The following MAP7 variants were observed in gnomAD, a reference collection of about 807,000 sequenced individuals.
MAP7 encodes the protein microtubule associated protein 7.
MAP7 carries 52 observed loss-of-function variants against 94.8 expected under a neutral mutation model. The observed-to-expected ratio is 0.55, with a 90% confidence interval of 0.44 to 0.69. MAP7 has a LOEUF of 0.69. Ranked by LOEUF, MAP7 falls within the 30% of genes least tolerant of loss-of-function variation. The pLI is 0.00. For missense variants in MAP7, 940 were observed against 964.6 expected, an observed-to-expected ratio of 0.97 and a Z score of 0.34; for synonymous variants, 350 against 357.0, an observed-to-expected ratio of 0.98 and a Z score of 0.22.
intron 1 of MAP7, among the ~76,000 whole-genome samples, chr6:136,523,079 C>A (rs537408938): frequency 6.6e-6 from 1 of 151,966 alleles, no homozygotes; most frequent in Non-Finnish European, 1.5e-5. Context: ...AATTAAGAGT[C>A]CATTAAAAGG....
At position 136,517,786 on chromosome 6, in the gene MAP7, G is replaced by A. The variant is rs76329292; in HGVS notation, c.67+32556C>T. On this transcript the variant is annotated intron_variant, in intron 1 of 17. Coordinates refer to ENST00000354570, the MANE Select transcript of MAP7 (RefSeq NM_003980.6). ...CCTGTACCACTGACTACTAGTGAAC[G>A]TGGTGAAACTTTCCTAGTATCCTGT... 9.9e-5 allele frequency among the ~76,000 whole-genome samples: 15 copies of A among 152,252 alleles called. No individual in the cohort carries two copies. In the East Asian group the frequency reaches 1.9e-3, roughly 20 times the overall value.
At chr6:136,470,506 A>T (rs1237718764) in intron 1 of MAP7, among the ~76,000 whole-genome samples, 5 of 152,098 alleles carry the variant, frequency 3.3e-5, no homozygotes, top group Non-Finnish European at 7.3e-5. Flanking sequence ...TCTCTTAGCA[A>T]ATTCAAAGTA....
intron 1 of MAP7, among the ~76,000 whole-genome samples, chr6:136,433,604 G>T (rs577084291): frequency 1.3e-5 from 2 of 152,188 alleles, no homozygotes; most frequent in Non-Finnish European, 2.9e-5. Context: ...CACGCTATTC[G>T]GATTGGATCA....
intron 1 of MAP7, among the ~76,000 whole-genome samples, chr6:136,514,096 T>A (rs1337139516): frequency 6.6e-6 from 1 of 152,204 alleles, no homozygotes; most frequent in Non-Finnish European, 1.5e-5. Context: ...ATGTTCTTAA[T>A]GGCATCTGCA....
intron 1 of MAP7, among the ~76,000 whole-genome samples, chr6:136,449,531 G>T (rs1800459483): frequency 6.6e-6 from 1 of 152,194 alleles, no homozygotes; most frequent in African/African-American, 2.4e-5. Flanking sequence ...TTACAGCCCG[G>T]CATTTGCCTT....
At chr6:136,518,812 T>C (rs1825596646) in intron 1 of MAP7, among the ~76,000 whole-genome samples, 1 of 152,192 alleles carries the variant, frequency 6.6e-6, no homozygotes, top group Non-Finnish European at 1.5e-5. Flanking sequence ...TAATAAATAA[T>C]ATCTAAGAGT....
At chr6:136,521,804 T>C (rs1435978761) in intron 1 of MAP7, among the ~76,000 whole-genome samples, 1 of 152,198 alleles carries the variant, frequency 6.6e-6, no homozygotes, top group Non-Finnish European at 1.5e-5. Flanking sequence ...GATAGGAGTC[T>C]ATATCCCTTA....
Position 136,526,558 on chromosome 6 carries a change from G to C in MAP7, c.67+23784C>G, listed in dbSNP as rs986074614. ...GGCTCCATCTCCCCAGCTGAGAAGC[G>C]GCAGCTTGCAGGATGCTGGGTTCTG... On this transcript the variant is annotated intron_variant, in intron 1 of 17. Transcript: ENST00000354570. 3.1e-5 allele frequency: 31 copies of C among 985,348 alleles called. No individual in the cohort carries two copies. In the African/African-American group the frequency reaches 4.9e-4, roughly 16 times the overall value. The allele number at this position is 985,348 out of a possible 1,614,324, so 61.0% of individuals were successfully genotyped here.
At chr6:136,354,732 GT>G (rs1790391148) in intron 16 of MAP7, among the ~76,000 whole-genome samples, 1 of 151,884 alleles carries the variant, frequency 6.6e-6, no homozygotes, top group Non-Finnish European at 1.5e-5. Context: ...GTTCATTTTG[GT>G]TTCATTACAA....
rs190915092 is a variant in MAP7 at position 136,474,282 on chromosome 6, C to A, written c.68-52483G>T. ...GTAAAAAGCTTTAAGGAGAAGAGTGCCAAAATCTGTCCTATTAGTCTAAAA... is the reference window on the plus strand; with the variant it reads ...GTAAAAAGCTTTAAGGAGAAGAGTGACAAAATCTGTCCTATTAGTCTAAAA... On this transcript the variant is annotated intron_variant, in intron 1 of 17. Coordinates refer to ENST00000354570, the MANE Select transcript of MAP7 (RefSeq NM_003980.6). Among the ~76,000 whole-genome samples, 14 of 152,198 alleles carry A rather than the reference C, an allele frequency of 9.2e-5. No homozygotes were observed. The East Asian group carries it at 1.9e-3, about 21-fold the overall frequency.
chr6:136,528,279 A>G (rs1238546609), intron 1 of MAP7, among the ~76,000 whole-genome samples: 1 of 152,244 alleles, frequency 6.6e-6, no homozygotes, highest in Non-Finnish European at 1.5e-5. Context: ...ATTGTTTAAG[A>G]AATAAAAAAA....
rs776336115 is a variant in MAP7 at position 136,510,886 on chromosome 6, C to T, written c.67+39456G>A. Among the ~76,000 whole-genome samples the T allele has an allele frequency of 5.9e-5, 9 of 151,912 alleles. No homozygotes were observed. In the South Asian group the frequency reaches 1.2e-3, roughly 21 times the overall value. ...TAGAAGGACAAGCGGAAGACTACTGCGTATGGAAACATCTAGCATAGGGTA... is the reference window on the plus strand; with the variant it reads ...TAGAAGGACAAGCGGAAGACTACTGTGTATGGAAACATCTAGCATAGGGTA... On this transcript the variant is annotated intron_variant, in intron 1 of 17. Coordinates refer to ENST00000354570, the MANE Select transcript of MAP7 (RefSeq NM_003980.6).
intron 1 of MAP7, among the ~76,000 whole-genome samples, chr6:136,484,933 G>A (rs146468391): frequency 6.6e-6 from 1 of 152,090 alleles, no homozygotes; most frequent in Non-Finnish European, 1.5e-5. Context: ...GGCCTCAAAT[G>A]ATCTCCAGCC....
rs554124171 is a variant in MAP7 at position 136,431,131 on chromosome 6, T to C, written c.68-9332A>G. ...ATTTATAGTACAACTCGATCCATCA[T>C]AGTCCAACTCAAGTCCCTTTCCCAT... On this transcript the variant is annotated intron_variant, in intron 1 of 17. Coordinates refer to ENST00000354570, the MANE Select transcript of MAP7 (RefSeq NM_003980.6). 2.3e-4 allele frequency among the ~76,000 whole-genome samples: 35 copies of C among 152,258 alleles called. 1 individual carries two copies. Among genetic ancestry groups the C allele is most frequent in the Admixed American group, 2.1e-3 (32 of 15,284 alleles).
intron 1 of MAP7, among the ~76,000 whole-genome samples, chr6:136,433,638 C>T (rs1434857592): frequency 6.6e-6 from 1 of 152,206 alleles, no homozygotes; most frequent in Non-Finnish European, 1.5e-5. Flanking sequence ...AAGGTTTGTT[C>T]CATATGGATA....
intron 1 of MAP7, among the ~76,000 whole-genome samples, chr6:136,518,263 T>A (rs532130204): frequency 6.4e-4 from 98 of 152,318 alleles, no homozygotes; most frequent in African/African-American, 2.2e-3. Context: ...TTTTTCTGGG[T>A]CTATACTCCT....
chr6:136,371,663 G>A (rs141704315), intron 8 of MAP7, among the ~76,000 whole-genome samples: 105 of 152,296 alleles, frequency 6.9e-4, no homozygotes, highest in African/African-American at 2.4e-3. Flanking sequence ...GGGTCATACT[G>A]TTATCCTGGA....
chr6:136,514,118 T>C (rs1437321661), intron 1 of MAP7, among the ~76,000 whole-genome samples: 1 of 152,196 alleles, frequency 6.6e-6, no homozygotes, highest in African/African-American at 2.4e-5. Flanking sequence ...TGGTGAATCC[T>C]TTCCAGAAGG....
chr6:136,438,135 A>C (rs1373355776), intron 1 of MAP7, among the ~76,000 whole-genome samples: 1 of 152,242 alleles, frequency 6.6e-6, no homozygotes, highest in Non-Finnish European at 1.5e-5. Context: ...GGAGAAGCAC[A>C]GACAGCTCCA....
Sources: gnomAD v4.1 joint callset for allele counts (sites outside exome capture counted in the v4.1 genomes callset) on GRCh38, gnomAD v4.1.1 for gene constraint, MANE v1.5 for transcripts, NCBI Gene and HGNC (gene_info 2026-07-23, HGNC 2026-07-21) for gene names.